Variants in AGBL3 observed in about 807,000 individuals in gnomAD.
The protein encoded by AGBL3 is AGBL carboxypeptidase 3.
A neutral mutation model predicts 94.5 loss-of-function variants in AGBL3; 68 were observed. The observed-to-expected ratio is 0.72, with a 90% CI of 0.59 to 0.88. The LOEUF is 0.88. Ranked by LOEUF, AGBL3 falls within the 40% of genes least tolerant of loss-of-function variation. AGBL3 has a pLI of 0.00. For synonymous variants in AGBL3, 354 were observed against 370.7 expected, an observed-to-expected ratio of 0.95 and a Z score of 0.52; for missense variants, 934 against 1,103.8, an observed-to-expected ratio of 0.85 and a Z score of 2.18.
At chr7:135,124,209 C>G (rs1018736028) in intron 16 of AGBL3, among the ~76,000 whole-genome samples, 62 of 127,698 alleles carry the variant, frequency 4.9e-4, no homozygotes, top group Non-Finnish European at 5.2e-4. Context: ...ATTTACCAAG[C>G]AAATGGAAAG....
chr7:135,009,396 T>A (rs920027411), intron 4 of AGBL3, among the ~76,000 whole-genome samples: 3 of 152,158 alleles, frequency 2.0e-5, no homozygotes, highest in Non-Finnish European at 4.4e-5. Flanking sequence ...AATAATATGA[T>A]TCTAATTATG....
chr7:135,093,107 TTC>T (rs1822101174), intron 15 of AGBL3: 1 of 151,838 alleles, frequency 6.6e-6, no homozygotes, highest in African/African-American at 2.4e-5. Context: ...CTAAATGCTT[TTC>T]TCCCTGAGAC....
chr7:135,041,575 C>T (rs1259239859), intron 8 of AGBL3, among the ~76,000 whole-genome samples: 2 of 151,828 alleles, frequency 1.3e-5, no homozygotes, highest in South Asian at 2.1e-4. Context: ...TTTCACCTAA[C>T]CCTCAAACCT....
intron 12 of AGBL3, among the ~76,000 whole-genome samples, chr7:135,072,624 T>C (rs1193583030): frequency 2.0e-5 from 3 of 152,080 alleles, no homozygotes; most frequent in Non-Finnish European, 4.4e-5. Context: ...GGGACATGGA[T>C]GAAGCTGGAA....
At chr7:135,070,605 A>G (rs1819805785) in intron 12 of AGBL3, among the ~76,000 whole-genome samples, 1 of 152,202 alleles carries the variant, frequency 6.6e-6, no homozygotes, top group African/African-American at 2.4e-5. Flanking sequence ...CAGCATATAA[A>G]CAGAACCAAC....
At chr7:135,054,868 A>G (rs1818197604) in intron 11 of AGBL3, among the ~76,000 whole-genome samples, 1 of 152,240 alleles carries the variant, frequency 6.6e-6, no homozygotes, top group Non-Finnish European at 1.5e-5. Flanking sequence ...CTACAACAGA[A>G]TACCTAAAAC....
At chr7:135,072,532 A>C (rs1386019807) in intron 12 of AGBL3, among the ~76,000 whole-genome samples, 1 of 152,212 alleles carries the variant, frequency 6.6e-6, no homozygotes, top group Non-Finnish European at 1.5e-5. Context: ...CAACAATGAT[A>C]GACTGGATTG....
At chr7:135,013,790 G>A (rs553915644) in intron 4 of AGBL3, among the ~76,000 whole-genome samples, 6 of 152,176 alleles carry the variant, frequency 3.9e-5, no homozygotes, top group East Asian at 1.9e-4. Flanking sequence ...ACCATCCCTC[G>A]AATCCACTCT....
intron 13 of AGBL3, 63 bp downstream of exon 13, chr7:135,076,531 A>G (rs1820468998): frequency 9.5e-6 from 12 of 1,260,118 alleles, no homozygotes. Context: ...ATGGCAAGTT[A>G]TTTTCTCTTA....
In AGBL3 at chr7:135,026,244, A is replaced by ATTATTTTATTTTATTTTATT. The variant is rs1554497685; in HGVS notation, c.419-6571_419-6552dup. Among the ~76,000 whole-genome samples the ATTATTTTATTTTATTTTATT allele has an allele frequency of 1.3e-3, 103 of 81,474 alleles. 4 individuals carry two copies. Among genetic ancestry groups the ATTATTTTATTTTATTTTATT allele is most frequent in the African/African-American group, 3.6e-3 (93 of 25,750 alleles). The allele number at this position is 81,474 out of a possible 152,430, so 53.5% of individuals were successfully genotyped here. A position where few individuals can be genotyped will look rare whatever the true frequency, so the allele number is the denominator to read the frequency against. ...TGCAATAAAAATAGAAATGAATACC[A>ATTATTTTATTTTATTTTATT]TTATTTTATTTTATTTTATTTTATT... On this transcript the variant is annotated intron_variant, in intron 5 of 16. Coordinates refer to ENST00000436302, the MANE Select transcript of AGBL3 (RefSeq NM_178563.4).
chr7:135,051,733 C>A (rs931249576), intron 11 of AGBL3, among the ~76,000 whole-genome samples: 1 of 152,002 alleles, frequency 6.6e-6, no homozygotes, highest in African/African-American at 2.4e-5. Flanking sequence ...TATCTCCCTT[C>A]TCTTATACTG....
At chr7:135,095,170 G>A (rs1822474382) in intron 15 of AGBL3, among the ~76,000 whole-genome samples, 1 of 152,146 alleles carries the variant, frequency 6.6e-6, no homozygotes, top group Admixed American at 6.5e-5. Flanking sequence ...TAGTCTTCCT[G>A]TCTCACTGGA....
chr7:134,992,813 A>C (rs1810462612), intron 3 of AGBL3, among the ~76,000 whole-genome samples: 1 of 152,222 alleles, frequency 6.6e-6, no homozygotes, highest in Admixed American at 6.5e-5. Flanking sequence ...TCTCGGCAAA[A>C]AGCCACATTT....
chr7:135,024,391 A>C (rs1814856787), intron 5 of AGBL3, among the ~76,000 whole-genome samples: 1 of 152,234 alleles, frequency 6.6e-6, no homozygotes. Context: ...CATTCTGCCC[A>C]ATATACATTC....
chr7:135,014,510 A>T (rs571412153), intron 4 of AGBL3, among the ~76,000 whole-genome samples: 1 of 152,242 alleles, frequency 6.6e-6, no homozygotes, highest in Admixed American at 6.5e-5. Flanking sequence ...GAAGTCTCAC[A>T]GTAGCCAAGT....
chr7:134,994,483 G>C (rs1487589216), intron 4 of AGBL3, among the ~76,000 whole-genome samples: 1 of 150,888 alleles, frequency 6.6e-6, no homozygotes, highest in Non-Finnish European at 1.5e-5. Flanking sequence ...GCACAGGCAT[G>C]ACAGAAACAT....
At chr7:135,119,318 C>A (rs1444280688) in intron 16 of AGBL3, among the ~76,000 whole-genome samples, 3 of 152,010 alleles carry the variant, frequency 2.0e-5, no homozygotes, top group Non-Finnish European at 4.4e-5. Context: ...AAACCTCCGC[C>A]TCCTGGGTTC....
At chr7:135,066,584 T>A (rs1819323823) in intron 12 of AGBL3, among the ~76,000 whole-genome samples, 1 of 152,180 alleles carries the variant, frequency 6.6e-6, no homozygotes, top group Non-Finnish European at 1.5e-5. Flanking sequence ...TAAAAGTGAA[T>A]TACCATATGA....
At chr7:135,058,904 G>A (rs1214626001) in intron 11 of AGBL3, among the ~76,000 whole-genome samples, 1 of 152,058 alleles carries the variant, frequency 6.6e-6, no homozygotes, top group East Asian at 1.9e-4. Flanking sequence ...TTACAGGCAA[G>A]TGCCACCATG....
Sources: gnomAD v4.1 joint callset for allele counts (sites outside exome capture counted in the v4.1 genomes callset) on GRCh38, gnomAD v4.1.1 for gene constraint, MANE v1.5 for transcripts, NCBI Gene and HGNC (gene_info 2026-07-23, HGNC 2026-07-21) for gene names.